Variants in MIR2052HG observed in about 807,000 individuals in gnomAD.
The protein encoded by MIR2052HG is MIR2052 host gene.
intron 2 of MIR2052HG, among the ~76,000 whole-genome samples, chr8:74,658,042 G>A (rs909007794): frequency 6.6e-6 from 1 of 152,122 alleles, no homozygotes; most frequent in African/African-American, 2.4e-5. Context: ...GTTATTTCCT[G>A]AACATACTAG....
At chr8:74,616,065 A>G (rs1258237839) in intron 2 of MIR2052HG, among the ~76,000 whole-genome samples, 4 of 152,162 alleles carry the variant, frequency 2.6e-5, no homozygotes, top group South Asian at 2.1e-4. Flanking sequence ...TAGTGCTGCA[A>G]TAAACATATG....
chr8:74,689,732 A>G (rs1809219933), intron 2 of MIR2052HG, among the ~76,000 whole-genome samples: 1 of 152,226 alleles, frequency 6.6e-6, no homozygotes, highest in Non-Finnish European at 1.5e-5. Context: ...CACCTAGTAG[A>G]AGAAACTGAA....
intron 2 of MIR2052HG, among the ~76,000 whole-genome samples, chr8:74,613,753 CT>C (rs1362631951): frequency 6.6e-6 from 1 of 152,198 alleles, no homozygotes; most frequent in Non-Finnish European, 1.5e-5. Flanking sequence ...TCCCAAAGTG[CT>C]GAGATTACCG....
At chr8:74,739,526 G>C (rs1317506024) in intron 4 of MIR2052HG, among the ~76,000 whole-genome samples, 1 of 152,094 alleles carries the variant, frequency 6.6e-6, no homozygotes, top group African/African-American at 2.4e-5. Context: ...CACTGAGATG[G>C]CAGGTTCATG....
chr8:74,631,494 T>C (rs925086538), intron 2 of MIR2052HG, among the ~76,000 whole-genome samples: 1 of 152,204 alleles, frequency 6.6e-6, no homozygotes, highest in Non-Finnish European at 1.5e-5. Flanking sequence ...TTCTTAAACA[T>C]TTAAGATTCT....
intron 2 of MIR2052HG, among the ~76,000 whole-genome samples, chr8:74,688,478 A>G (rs1213306296): frequency 6.6e-6 from 1 of 150,386 alleles, no homozygotes; most frequent in East Asian, 2.1e-4. Context: ...CGAGCTATAC[A>G]TGGATATTAA....
chr8:74,755,695 T>G (rs1263881082), intron 5 of MIR2052HG, among the ~76,000 whole-genome samples: 1 of 152,192 alleles, frequency 6.6e-6, no homozygotes, highest in Non-Finnish European at 1.5e-5. Flanking sequence ...TGCGCTAAAA[T>G]GTGGTGCTCA....
intron 4 of MIR2052HG, among the ~76,000 whole-genome samples, chr8:74,721,083 A>C (rs1294911125): frequency 6.6e-6 from 1 of 151,946 alleles, no homozygotes; most frequent in African/African-American, 2.4e-5. Context: ...TTAAGAGAGG[A>C]CTCTGTTGAA....
chr8:74,699,808 G>T (rs540276922), intron 2 of MIR2052HG, among the ~76,000 whole-genome samples: 39 of 152,146 alleles, frequency 2.6e-4, no homozygotes, highest in African/African-American at 9.4e-4. Context: ...CAATTAAGTG[G>T]AAATGGTTTC....
chr8:74,612,969 CT>C (rs767524818), intron 2 of MIR2052HG: 2 of 455,408 alleles, frequency 4.4e-6, no homozygotes, highest in South Asian at 3.1e-5. Context: ...TGCAGCTGCA[CT>C]GTGTGGGAAG....
At chr8:74,749,174 A>G (rs62521644) in intron 4 of MIR2052HG, among the ~76,000 whole-genome samples, 2,479 of 152,318 alleles carry the variant, frequency 0.016, 22 homozygotes, top group Non-Finnish European at 0.027. Context: ...AACATTGAAC[A>G]AAATGATTTA....
At chr8:74,614,331 T>G (rs1175018047) in intron 2 of MIR2052HG, among the ~76,000 whole-genome samples, 3 of 152,190 alleles carry the variant, frequency 2.0e-5, no homozygotes, top group Non-Finnish European at 4.4e-5. Flanking sequence ...CTTTTTGTCT[T>G]TTTTCTCTGC....
At chr8:74,633,115 G>C (rs1808537935) in intron 2 of MIR2052HG, 1 of 152,558 alleles carries the variant, frequency 6.6e-6, no homozygotes. Context: ...AACCTCCCAA[G>C]CTCAAGCAGT....
intron 2 of MIR2052HG, among the ~76,000 whole-genome samples, chr8:74,646,950 ATAT>A: frequency 6.6e-6 from 1 of 152,158 alleles, no homozygotes; most frequent in East Asian, 1.9e-4. Context: ...AAATAAATAA[ATAT>A]TATCAATAAA....
chr8:74,636,349 A>AG (rs1808580609), intron 2 of MIR2052HG, among the ~76,000 whole-genome samples: 1 of 152,130 alleles, frequency 6.6e-6, no homozygotes, highest in East Asian at 1.9e-4. Context: ...CCTTGAATTT[A>AG]GGATGCTTTT....
At chr8:74,731,529 A>C (rs191277649) in intron 4 of MIR2052HG, among the ~76,000 whole-genome samples, 6 of 152,238 alleles carry the variant, frequency 3.9e-5, no homozygotes, top group Non-Finnish European at 8.8e-5. Context: ...TGCAGAGTGG[A>C]CCTATGACCA....
At chr8:74,666,413 T>C (rs1419221725) in intron 2 of MIR2052HG, among the ~76,000 whole-genome samples, 3 of 152,198 alleles carry the variant, frequency 2.0e-5, no homozygotes, top group African/African-American at 7.2e-5. Context: ...CAGGAGAGCA[T>C]TTATCCTAAT....
chr8:74,698,144 G>C (rs1809318828), intron 2 of MIR2052HG, among the ~76,000 whole-genome samples: 1 of 152,060 alleles, frequency 6.6e-6, no homozygotes, highest in Non-Finnish European at 1.5e-5. Flanking sequence ...GCATTGTACT[G>C]GTACTAAAAA....
intron 4 of MIR2052HG, among the ~76,000 whole-genome samples, chr8:74,712,113 C>A (rs1809474310): frequency 1.3e-5 from 2 of 152,250 alleles, no homozygotes; most frequent in Middle Eastern, 6.8e-3. Flanking sequence ...TTTTTCTGGG[C>A]AAGTTACTTA....
Sources: gnomAD v4.1 joint callset for allele counts (sites outside exome capture counted in the v4.1 genomes callset) on GRCh38, gnomAD v4.1.1 for gene constraint, MANE v1.5 for transcripts, NCBI Gene and HGNC (gene_info 2026-07-23, HGNC 2026-07-21) for gene names.